The following NRXN2 variants were observed in gnomAD, a reference collection of about 807,000 sequenced individuals.
NRXN2 encodes the protein neurexin-2-beta.
A neutral mutation model predicts 128.8 loss-of-function variants in NRXN2; 29 were observed. The ratio of observed to expected loss-of-function variants is 0.23; its 90% confidence interval spans 0.17 to 0.31. The LOEUF (loss-of-function observed/expected upper bound fraction) is 0.31, where lower values mean the gene tolerates loss of function less well. Among genes scored for constraint, NRXN2 ranks in the 10% least tolerant of loss-of-function variants. The pLI is 1.00. For synonymous variants in NRXN2, 1,098 were observed against 1,075.2 expected (o/e 1.02, Z -0.41); for missense variants, 1,881 against 2,452.6 (o/e 0.77, Z 4.92).
chr11:64,713,174 G>A lies in NRXN2; in HGVS notation c.526C>T (p.Arg176Cys), dbSNP rs1182531545. 6.8e-7 allele frequency: 1 copy of A among 1,463,208 alleles called. No homozygotes were observed. Among genetic ancestry groups the A allele is most frequent in the Non-Finnish European group, 9.0e-7 (1 of 1,110,784 alleles). The allele number at this position is 1,463,208 out of a possible 1,614,324, so 90.6% of individuals were successfully genotyped here. A position where few individuals can be genotyped will look rare whatever the true frequency, so the allele number is the denominator to read the frequency against. ...LSTVKYEPPF[R>C]GLLANLKLGE... Reference sequence around the variant, plus strand: ...AGCTTCAGGTTGGCCAAGAGGCCGCGGAAGGGCGGCTCGTACTTGACGGTG... The same window carrying A: ...AGCTTCAGGTTGGCCAAGAGGCCGCAGAAGGGCGGCTCGTACTTGACGGTG... Residue 176 changes from arginine (R) to cysteine (C), a missense_variant, in exon 2 of 23, where the codon CGC becomes TGC. Arg to Cys is a radical substitution (Grantham distance 180, BLOSUM62 -3). Around this residue, in one of 7 missense-constraint regions of NRXN2, gnomAD observed 997 missense variants for 1,240.8 expected, o/e 0.80. Transcript: ENST00000265459.
At chr11:64,712,082 C>T (rs1474446818) in intron 2 of NRXN2, among the ~76,000 whole-genome samples, 1 of 152,222 alleles carries the variant, frequency 6.6e-6, no homozygotes, top group Non-Finnish European at 1.5e-5. Context: ...GTCGACTACG[C>T]TCCCTGCCCC....
intron 22 of NRXN2, among the ~76,000 whole-genome samples, chr11:64,614,470 C>A (rs1027165362): frequency 1.3e-5 from 2 of 152,228 alleles, no homozygotes; most frequent in African/African-American, 4.8e-5. Flanking sequence ...TTGTTCCCAA[C>A]ACCCACTTCA....
rs1052890691 is a variant in NRXN2 at position 64,632,791 on chromosome 11, G to A, written c.3586-2218C>T. ...TAATTCCCCAATTACCTCATTAGGC[G>A]GCGGTGGGGAGAACGAAGCCGCTCC... On this transcript the variant is annotated intron_variant, in intron 18 of 22. Transcript: ENST00000265459. The surrounding 1 kb of genome is among the most constrained non-coding windows in gnomAD (Gnocchi z 4.2). Among the ~76,000 whole-genome samples, 7 of 152,202 alleles carry A rather than the reference G, an allele frequency of 4.6e-5. 1 individual carries two copies. The South Asian group carries it at 6.2e-4, about 13-fold the overall frequency.
In NRXN2 at chr11:64,676,985, A is replaced by G. The variant is rs1376938819; in HGVS notation, c.1197+8T>C. 2 of 1,612,786 alleles carry G rather than the reference A, an allele frequency of 1.2e-6. No homozygotes were observed. Among genetic ancestry groups the G allele is most frequent in the African/African-American group, 1.3e-5 (1 of 74,866 alleles). On this transcript the variant is annotated splice_region_variant and intron_variant, in intron 7 of 22. Transcript: ENST00000265459. Reference sequence around the variant, plus strand: ...ACCAAACGGTAAGACAATTAGAGTGATATCTACCAGATAATGCAGTTTGTT... The same window carrying G: ...ACCAAACGGTAAGACAATTAGAGTGGTATCTACCAGATAATGCAGTTTGTT...
Position 64,607,898 on chromosome 11 carries a change from G to T in NRXN2, c.4437C>A (p.Ala1479=). Residue 1479 remains alanine (A), a synonymous_variant, in exon 23 of 23, where the codon GCC becomes GCA. Coordinates refer to ENST00000265459, the MANE Select transcript of NRXN2 (RefSeq NM_015080.4). ...CCTCGCAGTCGCTGTCGTCCCGCTC[G>T]GCCTGGCACGGGCCCCCAGAGGGCG... ...RRPPSGGPCQ[A]ERDDSDCEEP... is the part of the protein sequence containing the mutation. 6.4e-7 allele frequency: 1 copy of T among 1,568,638 alleles called. No individual in the cohort carries two copies.
chr11:64,683,823 G>C (rs933373560), intron 6 of NRXN2, among the ~76,000 whole-genome samples: 1 of 152,010 alleles, frequency 6.6e-6, no homozygotes, highest in Non-Finnish European at 1.5e-5. Flanking sequence ...TTGGACTCTC[G>C]ACTCCGGGAA....
At chr11:64,683,332 G>C (rs2052562558) in intron 6 of NRXN2, among the ~76,000 whole-genome samples, 1 of 152,148 alleles carries the variant, frequency 6.6e-6, no homozygotes, top group African/African-American at 2.4e-5. Context: ...ACAGAAACTT[G>C]ATTGAGGCCA....
chr11:64,690,426 C>T lies in NRXN2; in HGVS notation c.829G>A (p.Asp277Asn), dbSNP rs1432184680. The change falls in exon 5 of 23, where the codon GAT (aspartate) becomes AAT (asparagine). Residue 277 changes from aspartate to asparagine, a missense_variant. Asp to Asn is a conservative substitution (Grantham distance 23). Transcript: ENST00000265459. ...TGACCTTTTGTTGGCTGGTGCACAT[C>T]GCCGGCTCCTCCTCTCCCGGCCCCC... The part of the protein sequence containing the change: ...EGGAGRGGAG[D>N]VHQPTKGKEE... 8.7e-6 allele frequency: 14 copies of T among 1,613,210 alleles called. No individual in the cohort carries two copies. The highest frequency in any genetic ancestry group is 8.0e-5 in the African/African-American group (6 of 74,870).
At chr11:64,637,461 G>C (rs1008622594) in intron 17 of NRXN2, 1 of 152,294 alleles carries the variant, frequency 6.6e-6, no homozygotes, top group Admixed American at 6.5e-5. Flanking sequence ...AGCCGGTAAC[G>C]GTCTCTCCAC....
chr11:64,622,364 T>C lies in NRXN2; in HGVS notation c.4173+389A>G, dbSNP rs1414522017. ...CTGGTACCATCCATCTCCCACTCTC[T>C]GCCCACACAGAACGCTAGGCATGGC... On this transcript the variant is annotated intron_variant, in intron 21 of 22. Transcript: ENST00000265459. This position sits in a 1 kb window ranked among gnomAD's most constrained non-coding sequence, Gnocchi z 4.3. 6.6e-6 allele frequency among the ~76,000 whole-genome samples: 1 copy of C among 152,210 alleles called. No homozygotes were observed. Among genetic ancestry groups the C allele is most frequent in the Non-Finnish European group, 1.5e-5 (1 of 68,020 alleles).
intron 9 of NRXN2, among the ~76,000 whole-genome samples, chr11:64,663,616 TG>T (rs1173096346): frequency 6.6e-6 from 1 of 152,094 alleles, no homozygotes; most frequent in Non-Finnish European, 1.5e-5. Flanking sequence ...CAGGACCTCC[TG>T]GGCTTTACAC....
intron 14 of NRXN2, among the ~76,000 whole-genome samples, chr11:64,650,909 C>T (rs1409686115): frequency 6.6e-6 from 1 of 152,120 alleles, no homozygotes; most frequent in Non-Finnish European, 1.5e-5. Flanking sequence ...GTTTGTGGGT[C>T]AGCAGGGTCC....
chr11:64,642,913 G>T, intron 17 of NRXN2: 1 of 1,028,766 alleles, frequency 9.7e-7, no homozygotes, highest in Non-Finnish European at 1.2e-6. Flanking sequence ...GCGGGGTAGG[G>T]ATGAAGCGGA....
intron 7 of NRXN2, 187 bp downstream of exon 7, chr11:64,676,806 G>A: frequency 1.6e-6 from 1 of 623,824 alleles, no homozygotes; most frequent in Non-Finnish European, 2.9e-6. Context: ...GACCAAAAAA[G>A]AAAGAAAAGG....
intron 9 of NRXN2, among the ~76,000 whole-genome samples, chr11:64,662,271 A>C (rs562076049): frequency 5.6e-4 from 85 of 151,620 alleles, no homozygotes; most frequent in African/African-American, 2.0e-3. Context: ...AAAGAAGAAG[A>C]GAAGAAGGGA....
chr11:64,693,734 T>C (rs777169499), intron 3 of NRXN2, among the ~76,000 whole-genome samples: 3 of 152,014 alleles, frequency 2.0e-5, no homozygotes, highest in Non-Finnish European at 4.4e-5. Context: ...TAGGAGAAGG[T>C]AGAATCTACA....
chr11:64,640,440 C>A (rs1416886317), intron 17 of NRXN2, among the ~76,000 whole-genome samples: 1 of 152,146 alleles, frequency 6.6e-6, no homozygotes, highest in East Asian at 1.9e-4. Flanking sequence ...CATGCTTTGC[C>A]TCACTGCCCA....
At position 64,653,827 on chromosome 11, in the gene NRXN2, T is replaced by A. The variant is rs188255917; in HGVS notation, c.2390-105A>T. On this transcript the variant is annotated intron_variant, in intron 11 of 22. Coordinates refer to ENST00000265459, the MANE Select transcript of NRXN2 (RefSeq NM_015080.4). The stretch of plus-strand genomic sequence containing the variant: ...CAGGGAGGGGTGTCTGCGGGCGGGG[T>A]TCCCCCCAGGGCCACTTTCCGGGGA... 2.0e-4 allele frequency: 172 copies of A among 869,478 alleles called. 1 individual carries two copies. The African/African-American group carries it at 2.6e-3, about 13-fold the overall frequency. The allele number at this position is 869,478 out of a possible 1,614,324, so 53.9% of individuals were successfully genotyped here. A position where few individuals can be genotyped will look rare whatever the true frequency, so the allele number is the denominator to read the frequency against.
At chr11:64,620,250 A>G (rs759955592) in intron 22 of NRXN2, 44 bp downstream of exon 22, 3 of 1,470,384 alleles carry the variant, frequency 2.0e-6, no homozygotes, top group South Asian at 2.4e-5. Context: ...TCCCAGCAGC[A>G]TCGCAGAGGG....
Sources: gnomAD v4.1 joint callset for allele counts (sites outside exome capture counted in the v4.1 genomes callset) on GRCh38, gnomAD v4.1.1 for gene constraint, gnomAD v4.1.1 regional missense constraint, Gnocchi (gnomAD v3.1) non-coding constraint, MANE v1.5 for transcripts, NCBI Gene and HGNC (gene_info 2026-07-23, HGNC 2026-07-21) for gene names.